GRIA2: variants seen among roughly 807,000 people sequenced by gnomAD.
GRIA2 encodes the protein glutamate ionotropic receptor AMPA type subunit 2.
GRIA2 carries 14 observed loss-of-function variants against 97.3 expected under a neutral mutation model. The observed-to-expected ratio is 0.14, with a 90% CI of 0.10 to 0.23. The LOEUF is 0.23. Among genes scored for constraint, GRIA2 ranks in the 10% least tolerant of loss-of-function variants. GRIA2 has a pLI of 1.00. For synonymous variants in GRIA2, 412 were observed against 387.8 expected, an observed-to-expected ratio of 1.06 and a Z score of -0.73; for missense variants, 558 against 1,069.8, an observed-to-expected ratio of 0.52 and a Z score of 6.67.
At chr4:157,284,356 G>A (rs1732742460) in intron 2 of GRIA2, among the ~76,000 whole-genome samples, 1 of 151,746 alleles carries the variant, frequency 6.6e-6, no homozygotes, top group African/African-American at 2.4e-5. Context: ...TACATTGGAT[G>A]TGCTGTATTT....
intron 3 of GRIA2, among the ~76,000 whole-genome samples, chr4:157,310,657 C>G (rs970970451): frequency 6.6e-5 from 10 of 151,546 alleles, no homozygotes; most frequent in African/African-American, 4.8e-5. Flanking sequence ...ATTATTATAC[C>G]TAGACAATTA....
Position 157,361,101 on chromosome 4 carries a change from G to A in GRIA2, c.2383G>A (p.Gly795Ser), listed in dbSNP as rs1200324788. ...ATGGTGGTACGACAAAGGAGAGTGC[G>A]GCAGCGGGGGAGGTGATTCCAAGGT... ...NKWWYDKGEC[G>S]SGGGDSKEKT... The change falls in exon 14 of 16, where the codon GGC becomes AGC. Residue 795 changes from glycine to serine, a missense_variant. Transcript: ENST00000264426. The surrounding 1 kb of genome is among the most constrained non-coding windows in gnomAD (Gnocchi z 5.2). 7 of 1,612,778 alleles carry A rather than the reference G, an allele frequency of 4.3e-6. No homozygotes were observed. The highest frequency in any genetic ancestry group is 5.1e-6 in the Non-Finnish European group (6 of 1,178,810).
At chr4:157,298,582 A>T (rs951086433) in intron 2 of GRIA2, among the ~76,000 whole-genome samples, 17 of 144,282 alleles carry the variant, frequency 1.2e-4, no homozygotes, top group African/African-American at 4.3e-4. Flanking sequence ...GAACTGAGGG[A>T]CACTGGAAGG....
intron 2 of GRIA2, among the ~76,000 whole-genome samples, chr4:157,303,255 C>T (rs536993060): frequency 1.2e-4 from 18 of 152,128 alleles, no homozygotes; most frequent in African/African-American, 4.3e-4. Flanking sequence ...TTTTTTTACC[C>T]ATACATTTTT....
At chr4:157,267,391 C>CAAAAAAA (rs772189197) in intron 2 of GRIA2, among the ~76,000 whole-genome samples, 1 of 51,794 alleles carries the variant, frequency 1.9e-5, no homozygotes, top group Non-Finnish European at 4.0e-5. Flanking sequence ...GACTCCATCT[C>CAAAAAAA]AAAAAAAAAA....
At chr4:157,355,721 T>C (rs1383573147) in intron 12 of GRIA2, among the ~76,000 whole-genome samples, 1 of 112,882 alleles carries the variant, frequency 8.9e-6, no homozygotes, top group Admixed American at 1.2e-4. Flanking sequence ...TATTTATTTA[T>C]ATATTTATTT....
chr4:157,220,652 ATG>A (rs60010721), upstream of GRIA2: 30,767 of 186,138 alleles, frequency 0.17, 2,539 homozygotes, highest in African/African-American at 0.22. Flanking sequence ...GCGTGTGTGT[ATG>A]TGTGTGTGTG....
chr4:157,227,066 T>C (rs1729780854), intron 2 of GRIA2, among the ~76,000 whole-genome samples: 1 of 152,192 alleles, frequency 6.6e-6, no homozygotes, highest in African/African-American at 2.4e-5. Flanking sequence ...TGAAATATTC[T>C]ATTTTGAGAT....
chr4:157,286,575 G>C (rs138177410), intron 2 of GRIA2, among the ~76,000 whole-genome samples: 4 of 151,516 alleles, frequency 2.6e-5, no homozygotes, highest in African/African-American at 7.2e-5. Context: ...CATGAAAATA[G>C]TAAATCTGTT....
chr4:157,239,992 T>C (rs1279552994), intron 2 of GRIA2, among the ~76,000 whole-genome samples: 1 of 152,148 alleles, frequency 6.6e-6, no homozygotes, highest in Non-Finnish European at 1.5e-5. Flanking sequence ...CTCTTGATCC[T>C]CCTGAACAAC....
chr4:157,315,264 A>G (rs1734259276), intron 4 of GRIA2, among the ~76,000 whole-genome samples: 2 of 152,132 alleles, frequency 1.3e-5, no homozygotes, highest in African/African-American at 4.8e-5. Flanking sequence ...GGGATACACT[A>G]TAAATGAAAA....
intron 2 of GRIA2, among the ~76,000 whole-genome samples, chr4:157,231,983 G>A (rs1391481848): frequency 2.0e-5 from 3 of 151,954 alleles, no homozygotes; most frequent in Admixed American, 6.6e-5. Flanking sequence ...TTGTCATTGA[G>A]GCTAACTATT....
chr4:157,352,909 ATTAG>A (rs924043266), intron 12 of GRIA2, among the ~76,000 whole-genome samples: 2 of 151,142 alleles, frequency 1.3e-5, no homozygotes, highest in African/African-American at 4.9e-5. Context: ...AAACACAAAA[ATTAG>A]TTAGGCGTGT....
intron 11 of GRIA2, among the ~76,000 whole-genome samples, chr4:157,337,307 T>A (rs575330724): frequency 6.6e-6 from 1 of 152,038 alleles, no homozygotes; most frequent in African/African-American, 2.4e-5. Flanking sequence ...AAGGGACTAA[T>A]CATTCATTAA....
At chr4:157,260,981 T>A (rs1337498025) in intron 2 of GRIA2, among the ~76,000 whole-genome samples, 1 of 152,096 alleles carries the variant, frequency 6.6e-6, no homozygotes, top group African/African-American at 2.4e-5. Context: ...TTCTTATTCA[T>A]TGTTGAGGGC....
rs1560785580 is a variant in GRIA2 at position 157,363,776 on chromosome 4, C to T, written c.*345C>T. On this transcript the variant is annotated 3_prime_UTR_variant, in exon 16 of 16. Transcript: ENST00000264426. ...TTAAAACACAACATCTTTTTCTACT[C>T]GAGTTACAGACAAAGCGTGGTGGAC... is the stretch of plus-strand genomic sequence containing the variant. 1 of 382,966 alleles carries T rather than the reference C, an allele frequency of 2.6e-6. No homozygotes were observed. The highest frequency in any genetic ancestry group is 2.1e-5 in the African/African-American group (1 of 48,196). The allele number at this position is 382,966 out of a possible 1,614,324, so 23.7% of individuals were successfully genotyped here. A position where few individuals can be genotyped will look rare whatever the true frequency, so the allele number is the denominator to read the frequency against.
chr4:157,313,483 G>A (rs1371979784), intron 4 of GRIA2, among the ~76,000 whole-genome samples: 2 of 152,088 alleles, frequency 1.3e-5, no homozygotes, highest in Non-Finnish European at 2.9e-5. Flanking sequence ...AAGAATCACT[G>A]ACACCAGTGA....
chr4:157,269,449 C>T (rs1275149897), intron 2 of GRIA2, among the ~76,000 whole-genome samples: 2 of 152,010 alleles, frequency 1.3e-5, no homozygotes, highest in Non-Finnish European at 2.9e-5. Flanking sequence ...AACATTTGCT[C>T]ATTTTATAAA....
intron 2 of GRIA2, among the ~76,000 whole-genome samples, chr4:157,291,422 C>T (rs935725910): frequency 1.3e-5 from 2 of 151,796 alleles, no homozygotes; most frequent in African/African-American, 4.8e-5. Flanking sequence ...TGTTATGTAA[C>T]TTGCAATATA....
Sources: gnomAD v4.1 joint callset for allele counts (sites outside exome capture counted in the v4.1 genomes callset) on GRCh38, gnomAD v4.1.1 for gene constraint, Gnocchi (gnomAD v3.1) non-coding constraint, MANE v1.5 for transcripts, NCBI Gene and HGNC (gene_info 2026-07-23, HGNC 2026-07-21) for gene names.